The following DOCK9 variants were observed in gnomAD, a reference collection of about 807,000 sequenced individuals.
DOCK9 encodes dedicator of cytokinesis protein 9.
A neutral mutation model predicts 263.3 loss-of-function variants in DOCK9; 89 were observed. That is an observed-to-expected ratio of 0.34 (90% CI 0.28 to 0.40). DOCK9 has a LOEUF of 0.40. Ranked by LOEUF, DOCK9 falls within the 10% of genes least tolerant of loss-of-function variation. DOCK9 has a pLI of 1.00. For synonymous variants in DOCK9, 976 were observed against 973.1 expected (o/e 1.00, Z -0.06); for missense variants, 2,140 against 2,603.4 (o/e 0.82, Z 3.87).
intron 1 of DOCK9, among the ~76,000 whole-genome samples, chr13:99,072,814 A>G (rs2041739267): frequency 6.6e-6 from 1 of 152,132 alleles, no homozygotes; most frequent in African/African-American, 2.4e-5. Context: ...CCTGGGCAAC[A>G]TGGCAAAACT....
chr13:98,862,406 G>T (rs2093898867), intron 32 of DOCK9, among the ~76,000 whole-genome samples: 1 of 152,078 alleles, frequency 6.6e-6, no homozygotes, highest in African/African-American at 2.4e-5. Context: ...AGAAGAGAGG[G>T]GACTGGGCAC....
intron 1 of DOCK9, among the ~76,000 whole-genome samples, chr13:99,085,767 A>C (rs1334891532): frequency 6.7e-6 from 1 of 149,686 alleles, no homozygotes; most frequent in Non-Finnish European, 1.5e-5. Flanking sequence ...TCCCACCCTG[A>C]GCGCAGACTG....
At chr13:98,986,794 G>A (rs988310668) in intron 1 of DOCK9, among the ~76,000 whole-genome samples, 1 of 152,102 alleles carries the variant, frequency 6.6e-6, no homozygotes, top group African/African-American at 2.4e-5. Flanking sequence ...CACGTCCTAA[G>A]AAGTCAAACT....
intron 9 of DOCK9, among the ~76,000 whole-genome samples, chr13:98,906,005 G>C (rs1301537210): frequency 1.3e-5 from 2 of 152,160 alleles, no homozygotes; most frequent in Admixed American, 1.3e-4. Flanking sequence ...CACATTTCTA[G>C]CTTGGGCAGC....
chr13:98,875,554 T>C (rs2043691633), intron 27 of DOCK9, among the ~76,000 whole-genome samples: 1 of 152,200 alleles, frequency 6.6e-6, no homozygotes, highest in South Asian at 2.1e-4. Flanking sequence ...TGTGCTTCAC[T>C]CCATGTGGGA....
intron 27 of DOCK9, among the ~76,000 whole-genome samples, chr13:98,878,688 G>A: frequency 6.6e-6 from 1 of 152,246 alleles, no homozygotes; most frequent in Middle Eastern, 3.4e-3. Context: ...ATCTCCCTAT[G>A]CACTAAAATC....
At chr13:98,811,742 G>A (rs2091316617) in intron 45 of DOCK9, among the ~76,000 whole-genome samples, 1 of 152,200 alleles carries the variant, frequency 6.6e-6, no homozygotes, top group South Asian at 2.1e-4. Flanking sequence ...GTCTTTTAAA[G>A]AGCAGAAGTT....
chr13:98,925,965 C>A, intron 3 of DOCK9, 46 bp from the exon 4 acceptor site: 1 of 1,456,454 alleles, frequency 6.9e-7, no homozygotes. Context: ...AACAGAAAGA[C>A]GTGATTTTTG....
At chr13:99,086,312 G>C in exon 1 of DOCK9, 1 of 1,482,130 alleles carries the variant, frequency 6.7e-7, no homozygotes, top group African/African-American at 1.5e-5. Flanking sequence ...GTGAACTTCC[G>C]AGTCTCCGCC....
intron 5 of DOCK9, 44 bp downstream of exon 5, chr13:98,923,258 A>T: frequency 1.3e-6 from 2 of 1,567,944 alleles, no homozygotes; most frequent in Non-Finnish European, 1.8e-6. Context: ...ATTGATGTTT[A>T]AATCTAGAGT....
intron 4 of DOCK9, among the ~76,000 whole-genome samples, chr13:98,924,394 A>G (rs2052584907): frequency 6.6e-6 from 1 of 152,244 alleles, no homozygotes; most frequent in South Asian, 2.1e-4. Flanking sequence ...TACATTAATC[A>G]GGTCTCAAGT....
rs186968511 is a variant in DOCK9, at chr13:98,985,520, G to A, written c.130-29969C>T. ...AAAATATACATTGAATGAATTTACT[G>A]AAGGCTCAGGATCCTCTCAGTTTGG... On this transcript the variant is annotated intron_variant, in intron 1 of 32. Transcript: ENST00000427887. 2.0e-5 allele frequency among the ~76,000 whole-genome samples: 3 copies of A among 152,312 alleles called. No homozygotes were observed. The East Asian group carries it at 5.8e-4, about 29-fold the overall frequency.
At chr13:99,048,212 T>TGTTTC (rs1430787619) in intron 1 of DOCK9, among the ~76,000 whole-genome samples, 116 of 151,720 alleles carry the variant, frequency 7.6e-4, no homozygotes, top group African/African-American at 2.7e-3. Context: ...TGTTTTGTTT[T>TGTTTC]GTTTCTGCCG....
rs147184289 is a variant in DOCK9, at chr13:98,907,304, C to G, written c.961-2598G>C. On this transcript the variant is annotated intron_variant, in intron 9 of 52. Transcript: ENST00000682017. ...TTGAGCCCTTCAACAAAGGCAAATA[C>G]TGTGTTATGTTCTCAGACGCTAGAG... Among the ~76,000 whole-genome samples, 595 of 152,346 alleles carry G rather than the reference C, an allele frequency of 3.9e-3. 4 individuals carry two copies. Among genetic ancestry groups the G allele is most frequent in the African/African-American group, 0.014 (569 of 41,584 alleles).
At chr13:98,912,157 C>T (rs1318224508) in intron 9 of DOCK9, among the ~76,000 whole-genome samples, 1 of 152,118 alleles carries the variant, frequency 6.6e-6, no homozygotes, top group East Asian at 1.9e-4. Flanking sequence ...CAGGCATGAG[C>T]CACTATGCCC....
At chr13:98,880,779 T>C in intron 25 of DOCK9, 107 bp from the exon 26 acceptor site, 1 of 1,407,818 alleles carries the variant, frequency 7.1e-7, no homozygotes, top group Non-Finnish European at 9.6e-7. Context: ...ACAATATCAT[T>C]TGTGGGAGAG....
At chr13:98,807,047 C>T (rs2090804386) in intron 48 of DOCK9, among the ~76,000 whole-genome samples, 1 of 152,180 alleles carries the variant, frequency 6.6e-6, no homozygotes, top group South Asian at 2.1e-4. Flanking sequence ...CCGTCTTGCC[C>T]CATGTTTCAC....
At position 99,015,693 on chromosome 13, in the gene DOCK9, A is replaced by G. The variant is rs1274419447; in HGVS notation, c.130-60142T>C. The stretch of plus-strand genomic sequence containing the variant: ...CTTGGCTCTTCCGAAACAGGCTCCC[A>G]CTGTACCATCTTCGTGACAAGCAGT... On this transcript the variant is annotated intron_variant, in intron 1 of 32. Coordinates refer to the DOCK9 transcript ENST00000427887. 4 of 1,469,536 alleles carry G rather than the reference A, an allele frequency of 2.7e-6. No individual in the cohort carries two copies. In the African/African-American group the frequency reaches 4.2e-5, roughly 15 times the overall value. The allele number at this position is 1,469,536 out of a possible 1,614,324, so 91.0% of individuals were successfully genotyped here. A position where few individuals can be genotyped will look rare whatever the true frequency, so the allele number is the denominator to read the frequency against.
chr13:98,996,951 C>T (rs544086464), intron 1 of DOCK9, among the ~76,000 whole-genome samples: 24 of 152,308 alleles, frequency 1.6e-4, no homozygotes, highest in African/African-American at 5.8e-4. Flanking sequence ...ATACTAAGTC[C>T]AATCGGTACT....
Sources: gnomAD v4.1 joint callset for allele counts (sites outside exome capture counted in the v4.1 genomes callset) on GRCh38, gnomAD v4.1.1 for gene constraint, MANE v1.5 for transcripts, NCBI Gene and HGNC (gene_info 2026-07-23, HGNC 2026-07-21) for gene names.